TRIT1: variants seen among roughly 807,000 people sequenced by gnomAD.
TRIT1 encodes tRNA dimethylallyltransferase.
In TRIT1, 43 loss-of-function variants were observed where a neutral mutation model predicts 51.2. That is an observed-to-expected ratio of 0.84 (90% CI 0.66 to 1.08). The LOEUF (loss-of-function observed/expected upper bound fraction) is 1.08. TRIT1 is among the 50% of genes least tolerant of loss of function. The pLI is 0.00. For missense variants in TRIT1, 528 were observed against 578.4 expected, an observed-to-expected ratio of 0.91 and a Z score of 0.89; for synonymous variants, 184 against 203.9, an observed-to-expected ratio of 0.90 and a Z score of 0.83.
rs911982805 is a variant in TRIT1, at chr1:39,844,618, AGG to A, written c.1027_1028del (p.Pro343CysfsTer8). 3 of 1,613,514 alleles carry A rather than the reference AGG, an allele frequency of 1.9e-6. No homozygotes were observed. The highest frequency in any genetic ancestry group is 8.5e-7 in the Non-Finnish European group (1 of 1,179,658). On this transcript the variant is annotated frameshift_variant, in exon 9 of 11. Transcript: ENST00000316891. LOFTEE classifies it high-confidence loss of function. Reference sequence around the variant, plus strand: ...CATCAGATACCTCTAAGCCATAGACAGGGGGGACAATGGGACCAGGTCCTAAT... The same window carrying A: ...CATCAGATACCTCTAAGCCATAGACAGGGGACAATGGGACCAGGTCCTAAT... ...FLSRPGPIVP[P>X]VYGLEVSDVS... is the part of the protein sequence containing the mutation.
chr1:39,878,109 A>G (rs1644129638), intron 1 of TRIT1, among the ~76,000 whole-genome samples: 1 of 151,984 alleles, frequency 6.6e-6, no homozygotes, highest in African/African-American at 2.4e-5. Flanking sequence ...ATCCACAACT[A>G]CCTTGCATAA....
rs766782475 is a variant in TRIT1 at position 39,844,210 on chromosome 1, C to T, written c.1125G>A (p.Lys375=). Reference sequence around the variant, plus strand: ...GCATCTTTATTGGAGTGGCTGTAGGCTTGTGGCCCTAAAAGAACAAGGGTG... The same window carrying T: ...GCATCTTTATTGGAGTGGCTGTAGGTTTGTGGCCCTAAAAGAACAAGGGTG... ...EIVQSFIQGH[K]PTATPIKMPY... is the part of the protein sequence containing the mutation. Residue 375 remains lysine, a synonymous_variant, in exon 10 of 11, where the codon AAG becomes AAA. Coordinates refer to ENST00000316891, the MANE Select transcript of TRIT1 (RefSeq NM_017646.6). 1 of 1,613,390 alleles carries T rather than the reference C, an allele frequency of 6.2e-7. No homozygotes were observed. Among genetic ancestry groups the T allele is most frequent in the Non-Finnish European group, 8.5e-7 (1 of 1,179,352 alleles).
At chr1:39,847,351 G>A in intron 7 of TRIT1, 54 bp from the exon 8 acceptor site, 2 of 1,552,810 alleles carry the variant, frequency 1.3e-6, no homozygotes, top group South Asian at 1.1e-5. Context: ...TTACCCTGCA[G>A]AGAGGCAGGC....
intron 10 of TRIT1, 38 bp downstream of exon 10, chr1:39,844,058 ACCCAC>A (rs1303970346): frequency 7.1e-7 from 1 of 1,413,026 alleles, no homozygotes; most frequent in Non-Finnish European, 1.0e-6. Flanking sequence ...GTCAATGTGA[ACCCAC>A]CCTTATAGAT....
chr1:39,848,140 T>C (rs760296667), intron 5 of TRIT1, 43 bp from the exon 6 acceptor site: 1 of 1,439,390 alleles, frequency 6.9e-7, no homozygotes, highest in Admixed American at 1.7e-5. Flanking sequence ...AAGTTGTAGG[T>C]ACCTACTATA....
intron 1 of TRIT1, among the ~76,000 whole-genome samples, chr1:39,869,121 C>T (rs1484093507): frequency 6.6e-6 from 1 of 152,026 alleles, no homozygotes; most frequent in Non-Finnish European, 1.5e-5. Flanking sequence ...TCTCCCTCTC[C>T]CTCTCTCTCC....
intron 1 of TRIT1, among the ~76,000 whole-genome samples, chr1:39,865,422 T>C (rs1389044905): frequency 6.6e-6 from 1 of 152,238 alleles, no homozygotes; most frequent in Non-Finnish European, 1.5e-5. Flanking sequence ...GTTGTGCTGA[T>C]AACTCCCAAA....
At chr1:39,866,467 T>A (rs188008373) in intron 1 of TRIT1, among the ~76,000 whole-genome samples, 39 of 152,330 alleles carry the variant, frequency 2.6e-4, no homozygotes, top group Admixed American at 1.3e-3. Context: ...TTAGACAAAT[T>A]CAACTGAAGA....
In TRIT1 at chr1:39,846,457, C is replaced by G. The variant is rs1642229338; in HGVS notation, c.1006+763G>C. ...AGCTCATAACCACATAGTTTTTACCCATGGTCCAATACTAATGCTGTCTTG... is the reference window on the plus strand; with the variant it reads ...AGCTCATAACCACATAGTTTTTACCGATGGTCCAATACTAATGCTGTCTTG... On this transcript the variant is annotated intron_variant, in intron 8 of 10. Coordinates refer to ENST00000316891, the MANE Select transcript of TRIT1 (RefSeq NM_017646.6). 2.0e-5 allele frequency among the ~76,000 whole-genome samples: 3 copies of G among 152,194 alleles called. No homozygotes were observed. In the South Asian group the frequency reaches 6.2e-4, roughly 31 times the overall value.
chr1:39,870,209 C>A (rs1426894818), intron 1 of TRIT1, among the ~76,000 whole-genome samples: 1 of 152,160 alleles, frequency 6.6e-6, no homozygotes, highest in South Asian at 2.1e-4. Flanking sequence ...TATGGCCTTA[C>A]CCCCAACCCC....
At chr1:39,866,968 A>G (rs1422441157) in intron 1 of TRIT1, among the ~76,000 whole-genome samples, 1 of 152,180 alleles carries the variant, frequency 6.6e-6, no homozygotes, top group Non-Finnish European at 1.5e-5. Flanking sequence ...TCCAGCCTGA[A>G]GTGAGACACT....
intron 4 of TRIT1, among the ~76,000 whole-genome samples, chr1:39,852,334 C>A (rs1382441208): frequency 3.9e-5 from 6 of 152,172 alleles, no homozygotes; most frequent in Non-Finnish European, 8.8e-5. Context: ...ATAAAATCCA[C>A]CTCCCACTGG....
chr1:39,860,276 T>C (rs1308825389), intron 1 of TRIT1, among the ~76,000 whole-genome samples: 1 of 152,232 alleles, frequency 6.6e-6, no homozygotes, highest in African/African-American at 2.4e-5. Flanking sequence ...CTTTGCCTCT[T>C]ACACATTCAG....
chr1:39,847,785 G>T lies in TRIT1; in HGVS notation c.816-125C>A, dbSNP rs929781155. 439 of 1,535,924 alleles carry T rather than the reference G, an allele frequency of 2.9e-4. 3 individuals carry two copies. The highest frequency in any genetic ancestry group is 4.6e-5 in the Non-Finnish European group (53 of 1,144,246). The stretch of plus-strand genomic sequence containing the variant: ...GAAATTGAGATCCTGAGCAGTTACT[G>T]ATTCTCTGAAATTTTCCCCTCCCCT... On this transcript the variant is annotated intron_variant, in intron 6 of 10. Transcript: ENST00000316891.
chr1:39,863,726 T>A, intron 1 of TRIT1, among the ~76,000 whole-genome samples: 1 of 127,512 alleles, frequency 7.8e-6, no homozygotes, highest in Admixed American at 8.1e-5. Flanking sequence ...GAGGAACTAA[T>A]GAAGGTAAAA....
chr1:39,883,181 C>G (rs894362957), intron 1 of TRIT1, 137 bp downstream of exon 1: 2 of 842,188 alleles, frequency 2.4e-6, no homozygotes, highest in Non-Finnish European at 3.6e-6. Flanking sequence ...GCGGCGGGTG[C>G]TTAGTAAGTA....
chr1:39,864,099 T>C (rs1283486609), intron 1 of TRIT1, among the ~76,000 whole-genome samples: 2 of 151,992 alleles, frequency 1.3e-5, no homozygotes, highest in Non-Finnish European at 2.9e-5. Flanking sequence ...TTGGCCAGGC[T>C]GGTCTCGAAC....
chr1:39,882,038 C>T (rs1644281739), intron 1 of TRIT1, among the ~76,000 whole-genome samples: 1 of 152,136 alleles, frequency 6.6e-6, no homozygotes, highest in East Asian at 1.9e-4. Flanking sequence ...GTATTAAGTA[C>T]TGCACATACT....
In TRIT1 at chr1:39,841,885, G is replaced by T; in HGVS notation, c.1263C>A (p.Asn421Lys). Residue 421 changes from asparagine (N) to lysine (K), a missense_variant, in exon 11 of 11, where the codon AAC becomes AAA. Asn to Lys is a moderately conservative substitution (Grantham distance 94). This residue lies in a region of TRIT1 where 468 missense variants were observed against 522.6 expected (regional missense o/e 0.90). Transcript: ENST00000316891. ...CCAATCTTCTTCTTTTCTTCAGTTG[G>T]TTCAAGTGGGATTTGGATTTTATGT... ...AAHIKSKSHL[N>K]QLKKRRRLDS... 4 of 1,613,138 alleles carry T rather than the reference G, an allele frequency of 2.5e-6. No individual in the cohort carries two copies. The highest frequency in any genetic ancestry group is 3.4e-6 in the Non-Finnish European group (4 of 1,179,694).
Sources: gnomAD v4.1 joint callset for allele counts (sites outside exome capture counted in the v4.1 genomes callset) on GRCh38, gnomAD v4.1.1 for gene constraint, gnomAD v4.1.1 regional missense constraint, MANE v1.5 for transcripts, NCBI Gene and HGNC (gene_info 2026-07-23, HGNC 2026-07-21) for gene names.